Variants in ZNF860 observed in about 807,000 individuals in gnomAD.
ZNF860 encodes the protein zinc finger protein 860.
For synonymous variants in ZNF860, 206 were observed against 248.9 expected (o/e 0.83, Z 1.62); for missense variants, 641 against 759.2 (o/e 0.84, Z 1.83).
downstream of ZNF860, among the ~76,000 whole-genome samples, chr3:31,993,729 G>C (rs897816481): frequency 6.6e-6 from 1 of 152,050 alleles, no homozygotes; most frequent in African/African-American, 2.4e-5. Context: ...CCAAGTGCTG[G>C]TGAGGATGTG....
At chr3:31,992,982 A>T (rs909205869), downstream of ZNF860, among the ~76,000 whole-genome samples, 2 of 152,148 alleles carry the variant, frequency 1.3e-5, no homozygotes, top group Non-Finnish European at 2.9e-5. Context: ...CAGCCCAGGC[A>T]ATAGAGCAAG....
At chr3:31,983,295 C>A (rs994131251) in intron 1 of ZNF860, among the ~76,000 whole-genome samples, 1 of 152,152 alleles carries the variant, frequency 6.6e-6, no homozygotes, top group Admixed American at 6.5e-5. Flanking sequence ...AAACAACATG[C>A]CTTTTATTGG....
chr3:32,000,280 G>A, the ZNF860 span, among the ~76,000 whole-genome samples: 42 of 152,268 alleles, frequency 2.8e-4, no homozygotes, highest in East Asian at 7.5e-3. Flanking sequence ...CTAGATAAAG[G>A]AGAAAAACTA....
At chr3:32,000,593 C>T in the ZNF860 span, among the ~76,000 whole-genome samples, 2 of 152,178 alleles carry the variant, frequency 1.3e-5, no homozygotes, top group African/African-American at 2.4e-5. Flanking sequence ...AACATCTGTG[C>T]GAAATTGCGG....
Position 31,989,407 on chromosome 3 carries a change from C to A in ZNF860, c.328C>A (p.His110Asn). ...CTTCCAGAAAATTGGGAAAGATATT[C>A]ATGACTTTGAGTTTCAATGGCAAGA... ...FCFQKIGKDI[H>N]DFEFQWQEDK... The change falls in exon 2 of 2, where the codon CAT (histidine) becomes AAT (asparagine). Residue 110 changes from histidine (H) to asparagine (N), a missense_variant. Coordinates refer to ENST00000360311, the MANE Select transcript of ZNF860 (RefSeq NM_001137674.3). 6.2e-7 allele frequency: 1 copy of A among 1,614,150 alleles called. No homozygotes were observed. Among genetic ancestry groups the A allele is most frequent in the South Asian group, 1.1e-5 (1 of 91,072 alleles).
chr3:31,989,034 G>A lies in ZNF860; in HGVS notation c.-46G>A, dbSNP rs151141327. The A allele has an allele frequency of 1.5e-5, 24 of 1,605,314 alleles. No homozygotes were observed. Among genetic ancestry groups the A allele is most frequent in the East Asian group, 8.9e-5 (4 of 44,870 alleles). ...ACTAATACAGAGCAGGAAGCAGATCGCCTCAGTGAAGGTCACACTGCAGCA... is the reference window on the plus strand; with the variant it reads ...ACTAATACAGAGCAGGAAGCAGATCACCTCAGTGAAGGTCACACTGCAGCA... On this transcript the variant is annotated 5_prime_UTR_variant, in exon 2 of 2. Coordinates refer to ENST00000360311, the MANE Select transcript of ZNF860 (RefSeq NM_001137674.3).
At chr3:32,001,007 C>T in the ZNF860 span, among the ~76,000 whole-genome samples, 4 of 152,144 alleles carry the variant, frequency 2.6e-5, no homozygotes, top group Non-Finnish European at 4.4e-5. Context: ...AGCCATGTTC[C>T]TGGCTGTGTG....
chr3:31,994,342 T>A (rs548223897), downstream of ZNF860, among the ~76,000 whole-genome samples: 1 of 152,208 alleles, frequency 6.6e-6, no homozygotes, highest in Non-Finnish European at 1.5e-5. Flanking sequence ...CCAGGCCTCA[T>A]AGAAACTCAT....
downstream of ZNF860, among the ~76,000 whole-genome samples, chr3:31,995,561 G>A (rs998786543): frequency 6.6e-6 from 1 of 152,016 alleles, no homozygotes; most frequent in African/African-American, 2.4e-5. Flanking sequence ...ACTTCATATT[G>A]TTCAAACACA....
rs1219976256 is a variant in ZNF860, at chr3:31,988,854, AT to A, written c.-225del. 1 of 595,916 alleles carries A rather than the reference AT, an allele frequency of 1.7e-6. No homozygotes were observed. The highest frequency in any genetic ancestry group is 2.9e-6 in the Non-Finnish European group (1 of 340,888). 36.9% of individuals were successfully genotyped at this position (595,916 alleles called of 1,614,324 possible). A position where few individuals can be genotyped will look rare whatever the true frequency, so the allele number is the denominator to read the frequency against. On this transcript the variant is annotated 5_prime_UTR_variant, in exon 2 of 2. It removes an upstream start codon present in the reference 5' UTR. Coordinates refer to ENST00000360311, the MANE Select transcript of ZNF860 (RefSeq NM_001137674.3). The stretch of plus-strand genomic sequence containing the variant: ...GTCAAGCCTTGAGATGACTGCAGCC[AT>A]GACCCACAGCTTGACTACAACCCAG...
At chr3:31,997,238 T>A in the ZNF860 span, among the ~76,000 whole-genome samples, 1 of 151,920 alleles carries the variant, frequency 6.6e-6, no homozygotes, top group Non-Finnish European at 1.5e-5. Context: ...CCTAATAGTC[T>A]CCCTATGAGC....
At chr3:31,997,111 A>C in the ZNF860 span, among the ~76,000 whole-genome samples, 1 of 152,192 alleles carries the variant, frequency 6.6e-6, no homozygotes, top group East Asian at 1.9e-4. Flanking sequence ...ATTTACTAGC[A>C]CACATTATGC....
the ZNF860 span, among the ~76,000 whole-genome samples, chr3:32,004,415 T>G: frequency 6.6e-6 from 1 of 152,246 alleles, no homozygotes; most frequent in Non-Finnish European, 1.5e-5. Flanking sequence ...TGTTGTCACC[T>G]GACTCCCTTG....
At position 31,989,291 on chromosome 3, in the gene ZNF860, TGAA is replaced by T. The variant is rs1409836253; in HGVS notation, c.217_219del (p.Lys73del). ...GTGGATATCTCTTCCAAATGCATGA[TGAA>T]GAAGTTCTCATCAACAGCGCAAGGC... On this transcript the variant is annotated inframe_deletion, in exon 2 of 2. Transcript: ENST00000360311. 3.7e-6 allele frequency: 6 copies of T among 1,614,174 alleles called. No homozygotes were observed. Among genetic ancestry groups the T allele is most frequent in the Non-Finnish European group, 5.1e-6 (6 of 1,180,036 alleles).
At chr3:31,982,440 A>T (rs1010074672) in intron 1 of ZNF860, among the ~76,000 whole-genome samples, 2 of 152,184 alleles carry the variant, frequency 1.3e-5, no homozygotes, top group African/African-American at 4.8e-5. Context: ...TCAAGCAGAT[A>T]AATACTTCAA....
At chr3:32,003,689 CA>C in the ZNF860 span, among the ~76,000 whole-genome samples, 14 of 152,108 alleles carry the variant, frequency 9.2e-5, no homozygotes, top group Non-Finnish European at 4.4e-5. Context: ...GAACAAAGGG[CA>C]AGGATTTAAT....
Position 31,988,846 on chromosome 3 carries a change from C to G in ZNF860, c.-234C>G. On this transcript the variant is annotated 5_prime_UTR_variant, in exon 2 of 2. Coordinates refer to ENST00000360311, the MANE Select transcript of ZNF860 (RefSeq NM_001137674.3). ...TGTCACCAGTCAAGCCTTGAGATGA[C>G]TGCAGCCATGACCCACAGCTTGACT... 1 of 580,942 alleles carries G rather than the reference C, an allele frequency of 1.7e-6. No individual in the cohort carries two copies. Among genetic ancestry groups the G allele is most frequent in the Non-Finnish European group, 3.0e-6 (1 of 330,302 alleles). 36.0% of individuals were successfully genotyped at this position (580,942 alleles called of 1,614,324 possible).
Position 31,989,392 on chromosome 3 carries a change from A to T in ZNF860, c.313A>T (p.Ile105Phe). Residue 105 changes from isoleucine to phenylalanine, a missense_variant, in exon 2 of 2, where the codon ATT becomes TTT. Physicochemically the swap from Ile to Phe is conservative, Grantham distance 21. Coordinates refer to ENST00000360311, the MANE Select transcript of ZNF860 (RefSeq NM_001137674.3). ...HHIGDFCFQK[I>F]GKDIHDFEFQ... ...CATTGGAGATTTTTGCTTCCAGAAA[A>T]TTGGGAAAGATATTCATGACTTTGA... The T allele has an allele frequency of 1.2e-6, 2 of 1,614,226 alleles. No homozygotes were observed. The highest frequency in any genetic ancestry group is 1.7e-6 in the Non-Finnish European group (2 of 1,180,042).
At position 31,990,263 on chromosome 3, in the gene ZNF860, G is replaced by A. The variant is rs770808631; in HGVS notation, c.1184G>A (p.Gly395Glu). Residue 395 changes from glycine to glutamate, a missense_variant, in exon 2 of 2, where the codon GGG becomes GAG. Coordinates refer to ENST00000360311, the MANE Select transcript of ZNF860 (RefSeq NM_001137674.3). ...CACCATCAAGCAATCCATGGTATAGGGAAACTTTATAAATGTAATGATTGT... is the reference window on the plus strand; with the variant it reads ...CACCATCAAGCAATCCATGGTATAGAGAAACTTTATAAATGTAATGATTGT... ...LIHHQAIHGI[G>E]KLYKCNDCHK... 7.4e-6 allele frequency: 12 copies of A among 1,613,710 alleles called. No homozygotes were observed. Among genetic ancestry groups the A allele is most frequent in the Non-Finnish European group, 1.0e-5 (12 of 1,179,896 alleles).
Sources: gnomAD v4.1 joint callset for allele counts (sites outside exome capture counted in the v4.1 genomes callset) on GRCh38, gnomAD v4.1.1 for gene constraint, MANE v1.5 for transcripts, NCBI Gene and HGNC (gene_info 2026-07-23, HGNC 2026-07-21) for gene names.